RAPGEF6: variants seen among roughly 807,000 people sequenced by gnomAD.
RAPGEF6 encodes the protein Rap guanine nucleotide exchange factor 6.
In RAPGEF6, 56 loss-of-function variants were observed where a neutral mutation model predicts 171.4. The observed-to-expected ratio is 0.33, with a 90% CI of 0.26 to 0.41. RAPGEF6 has a LOEUF of 0.41. Ranked by LOEUF, RAPGEF6 falls within the 10% of genes least tolerant of loss-of-function variation. RAPGEF6 has a pLI of 1.00. For synonymous variants in RAPGEF6, 692 were observed against 650.1 expected (o/e 1.06, Z -0.98); for missense variants, 1,674 against 1,921.4 (o/e 0.87, Z 2.41).
chr5:131,475,900 C>T lies in RAPGEF6; in HGVS notation c.2082-3156G>A, dbSNP rs139284613. On this transcript the variant is annotated intron_variant, in intron 16 of 27. Transcript: ENST00000509018. ...ACTGAGTGCTGCTAAAGGCAGAGAA[C>T]AAGTTTCTGTTCTTGGTGCCTCTTC... Among the ~76,000 whole-genome samples, 488 of 152,290 alleles carry T rather than the reference C, an allele frequency of 3.2e-3. 3 individuals are homozygous for T. The highest frequency in any genetic ancestry group is 0.011 in the African/African-American group (464 of 41,566).
rs150638691 is a variant in RAPGEF6 at position 131,504,819 on chromosome 5, T to A, written c.1102-41A>T. On this transcript the variant is annotated intron_variant, in intron 10 of 27. Transcript: ENST00000509018. ...ATGGGGACAGTTAATGAACCTATAG[T>A]ACATAAATATATCACTATGTACCAA... 140 of 1,550,072 alleles carry A rather than the reference T, an allele frequency of 9.0e-5. No individual in the cohort carries two copies. In the African/African-American group the frequency reaches 1.8e-3, roughly 20 times the overall value.
chr5:131,599,237 G>A (rs994002946), intron 3 of RAPGEF6, among the ~76,000 whole-genome samples: 1 of 152,078 alleles, frequency 6.6e-6, no homozygotes, highest in Admixed American at 6.5e-5. Context: ...TGAGGCATGA[G>A]AATCGCTTGA....
intron 7 of RAPGEF6, among the ~76,000 whole-genome samples, chr5:131,511,596 A>G (rs1384396637): frequency 6.6e-6 from 1 of 150,722 alleles, no homozygotes; most frequent in African/African-American, 2.4e-5. Context: ...TCCTGGACTC[A>G]AGAAATCCTC....
intron 12 of RAPGEF6, among the ~76,000 whole-genome samples, chr5:131,497,938 A>C (rs541312805): frequency 5.9e-5 from 9 of 152,348 alleles, no homozygotes; most frequent in Admixed American, 5.9e-4. Context: ...AAAATACTCA[A>C]AAGGTAGATT....
intron 12 of RAPGEF6, among the ~76,000 whole-genome samples, chr5:131,497,063 C>T (rs1756686336): frequency 6.6e-6 from 1 of 152,162 alleles, no homozygotes; most frequent in Admixed American, 6.5e-5. Flanking sequence ...TTTTTAAAAG[C>T]CATCCTAGTG....
chr5:131,503,869 T>C (rs1757181046), intron 11 of RAPGEF6, among the ~76,000 whole-genome samples: 1 of 152,326 alleles, frequency 6.6e-6, no homozygotes, highest in East Asian at 1.9e-4. Flanking sequence ...AGTCTTGAAT[T>C]ACCTCCATAT....
At chr5:131,614,337 C>T (rs946631401) in intron 1 of RAPGEF6, among the ~76,000 whole-genome samples, 5 of 149,444 alleles carry the variant, frequency 3.3e-5, no homozygotes, top group African/African-American at 9.9e-5. Context: ...ACCGGAGCCG[C>T]GGTAATTTAT....
In RAPGEF6 at chr5:131,548,083, G is replaced by T. The variant is rs1410347962; in HGVS notation, c.459C>A (p.Thr153=). 6.2e-7 allele frequency: 1 copy of T among 1,613,876 alleles called. No individual in the cohort carries two copies. The highest frequency in any genetic ancestry group is 8.5e-7 in the Non-Finnish European group (1 of 1,179,962). ...TGTTAACCTCCACATCATCAGTAAT[G>T]GTTTGGCGCTCTCCTTTATAGTTAA... ...RKINYKGERQ[T]ITDDVEVNSY... The change falls in exon 6 of 28, where the codon ACC becomes ACA. Residue 153 remains threonine, a synonymous_variant. Coordinates refer to ENST00000509018, the MANE Select transcript of RAPGEF6 (RefSeq NM_016340.6).
At chr5:131,593,416 A>T (rs542278949) in intron 3 of RAPGEF6, among the ~76,000 whole-genome samples, 2 of 152,370 alleles carry the variant, frequency 1.3e-5, no homozygotes, top group South Asian at 4.1e-4. Context: ...ATAGAAATAC[A>T]AATTATTAGT....
intron 1 of RAPGEF6, among the ~76,000 whole-genome samples, chr5:131,608,415 G>C (rs1202293328): frequency 1.3e-5 from 2 of 152,128 alleles, no homozygotes; most frequent in Non-Finnish European, 2.9e-5. Context: ...TCTCAGATCT[G>C]TTCTATTAAC....
At chr5:131,559,730 C>T (rs1487735577) in intron 5 of RAPGEF6, among the ~76,000 whole-genome samples, 1 of 151,276 alleles carries the variant, frequency 6.6e-6, no homozygotes, top group Non-Finnish European at 1.5e-5. Flanking sequence ...GTCCCAGCTA[C>T]TTGAGAGACT....
intron 13 of RAPGEF6, among the ~76,000 whole-genome samples, chr5:131,495,308 A>AC (rs1280449682): frequency 0.017 from 1,198 of 69,342 alleles, 13 homozygotes; most frequent in Admixed American, 0.05. Context: ...AAAAACAAAT[A>AC]AATACAATAA....
chr5:131,437,862 A>G (rs1752112992), intron 24 of RAPGEF6, among the ~76,000 whole-genome samples: 3 of 152,170 alleles, frequency 2.0e-5, no homozygotes, highest in African/African-American at 4.8e-5. Context: ...AACACTTACC[A>G]CACATGAGGC....
intron 1 of RAPGEF6, among the ~76,000 whole-genome samples, chr5:131,631,580 A>G (rs1048666529): frequency 6.6e-6 from 1 of 152,164 alleles, no homozygotes; most frequent in Non-Finnish European, 1.5e-5. Flanking sequence ...ATTTTATGCA[A>G]TAACAGCCGT....
At chr5:131,529,803 TG>T (rs1315163792) in intron 6 of RAPGEF6, among the ~76,000 whole-genome samples, 2 of 149,848 alleles carry the variant, frequency 1.3e-5, no homozygotes, top group Non-Finnish European at 3.0e-5. Context: ...CCCAGCTGTG[TG>T]GGAGGATCCC....
intron 21 of RAPGEF6, chr5:131,450,192 T>C (rs1218689051): frequency 7.2e-6 from 6 of 837,888 alleles, no homozygotes; most frequent in African/African-American, 3.4e-5. Flanking sequence ...AACAGTAAAA[T>C]GACTTTAAAT....
At chr5:131,563,617 A>G (rs948635503) in intron 4 of RAPGEF6, among the ~76,000 whole-genome samples, 2 of 152,114 alleles carry the variant, frequency 1.3e-5, no homozygotes, top group African/African-American at 2.4e-5. Flanking sequence ...TGATCTTCCC[A>G]TATCAGTCCC....
chr5:131,538,274 G>A (rs1421074827), intron 6 of RAPGEF6, among the ~76,000 whole-genome samples: 2 of 152,106 alleles, frequency 1.3e-5, no homozygotes, highest in Non-Finnish European at 2.9e-5. Flanking sequence ...TGTGTCATTA[G>A]GCAATTTCAT....
chr5:131,515,709 A>G (rs1226441840), intron 7 of RAPGEF6, among the ~76,000 whole-genome samples: 1 of 152,220 alleles, frequency 6.6e-6, no homozygotes, highest in Non-Finnish European at 1.5e-5. Context: ...CATGGGAGAT[A>G]ACATGAAAAT....
Sources: allele counts gnomAD v4.1 joint callset (sites outside exome capture counted in the v4.1 genomes callset), GRCh38; gene constraint gnomAD v4.1.1; transcripts MANE v1.5; gene names NCBI Gene and HGNC (gene_info 2026-07-23, HGNC 2026-07-21).